The following PTER variants were observed in gnomAD, a reference collection of about 807,000 sequenced individuals.
The protein encoded by PTER is N-acetyltaurine hydrolase.
Under a neutral mutation model 29.6 loss-of-function variants are expected in PTER, and 38 were observed. That is an observed-to-expected ratio of 1.28 (90% CI 0.99 to 1.68). The LOEUF is 1.68. Ranked by LOEUF, PTER falls within the 40% of genes most tolerant of loss-of-function variation. The pLI is 0.00. For synonymous variants in PTER, 172 were observed against 154.5 expected (o/e 1.11, Z -0.84); for missense variants, 482 against 427.8 (o/e 1.13, Z -1.12).
At chr10:16,489,842 T>A (rs1339064522) in intron 3 of PTER, among the ~76,000 whole-genome samples, 1 of 152,146 alleles carries the variant, frequency 6.6e-6, no homozygotes, top group African/African-American at 2.4e-5. Flanking sequence ...AATTTTAGAC[T>A]TGAGAGACTT....
In PTER at chr10:16,500,421, T is replaced by G. The variant is rs114240104; in HGVS notation, c.699-4599T>G. On this transcript the variant is annotated intron_variant, in intron 3 of 4. Transcript: ENST00000535784. ...CACACCACCACACCCTGCTAATTTTTAAAGTTTCATTGTAGACACAGGGTC... is the reference window on the plus strand; with the variant it reads ...CACACCACCACACCCTGCTAATTTTGAAAGTTTCATTGTAGACACAGGGTC... Among the ~76,000 whole-genome samples the G allele has an allele frequency of 2.8e-3, 419 of 151,976 alleles. 2 individuals carry two copies. The highest frequency in any genetic ancestry group is 9.6e-3 in the African/African-American group (398 of 41,474).
intron 4 of PTER, among the ~76,000 whole-genome samples, chr10:16,508,772 C>G (rs1836696659): frequency 6.6e-6 from 1 of 152,144 alleles, no homozygotes; most frequent in Non-Finnish European, 1.5e-5. Flanking sequence ...ACCATGCATT[C>G]TCGCTTGACC....
At chr10:16,484,877 G>A (rs1423225771) in intron 2 of PTER, 61 bp downstream of exon 2, 1 of 1,498,798 alleles carries the variant, frequency 6.7e-7, no homozygotes, top group African/African-American at 1.4e-5. Flanking sequence ...CAGAACCTTG[G>A]AAATGCCCTG....
At chr10:16,493,911 C>T (rs1344218004) in intron 3 of PTER, among the ~76,000 whole-genome samples, 2 of 152,142 alleles carry the variant, frequency 1.3e-5, no homozygotes, top group Non-Finnish European at 2.9e-5. Context: ...TTGGGCAGAC[C>T]TGCCTTCCTG....
rs181190459 is a variant in PTER, at chr10:16,470,852, C to T, written c.-48-13485C>T. On this transcript the variant is annotated intron_variant, in intron 1 of 4. Transcript: ENST00000535784. The stretch of plus-strand genomic sequence containing the variant: ...GTTCTATTTTTATGGTTTATCTTTA[C>T]TTACAATTTATTGTTCTTGATTCTT... 5.3e-3 allele frequency among the ~76,000 whole-genome samples: 814 copies of T among 152,218 alleles called. 9 individuals are homozygous for T. Among genetic ancestry groups the T allele is most frequent in the African/African-American group, 0.019 (770 of 41,542 alleles).
intron 1 of PTER, among the ~76,000 whole-genome samples, chr10:16,481,653 T>G (rs1271197900): frequency 6.6e-6 from 1 of 152,194 alleles, no homozygotes; most frequent in Admixed American, 6.5e-5. Flanking sequence ...TAAGTGATTT[T>G]TTTTTCAGAA....
intron 1 of PTER, among the ~76,000 whole-genome samples, chr10:16,458,619 C>T (rs1015883166): frequency 6.6e-6 from 1 of 152,194 alleles, no homozygotes; most frequent in Non-Finnish European, 1.5e-5. Context: ...GAGACAGAGA[C>T]GTGCAATCCA....
At chr10:16,445,782 A>G (rs1441508216) in intron 1 of PTER, among the ~76,000 whole-genome samples, 1 of 152,166 alleles carries the variant, frequency 6.6e-6, no homozygotes, top group Non-Finnish European at 1.5e-5. Context: ...AGGATCCTAC[A>G]GGCTGACACC....
chr10:16,513,251 C>T lies in PTER; in HGVS notation c.*1995C>T, dbSNP rs1428022760. 1 of 152,456 alleles carries T rather than the reference C, an allele frequency of 6.6e-6. No homozygotes were observed. Among genetic ancestry groups the T allele is most frequent in the African/African-American group, 2.4e-5 (1 of 41,432 alleles). The allele number at this position is 152,456 out of a possible 1,614,324, so 9.4% of individuals were successfully genotyped here. A position where few individuals can be genotyped will look rare whatever the true frequency, so the allele number is the denominator to read the frequency against. On this transcript the variant is annotated 3_prime_UTR_variant, in exon 5 of 5. Transcript: ENST00000535784. ...GAAGTCATTTTAACTGTTTTTGCTACTCCATATATTGTCATTCAAAATATA... is the reference window on the plus strand; with the variant it reads ...GAAGTCATTTTAACTGTTTTTGCTATTCCATATATTGTCATTCAAAATATA...
chr10:16,466,911 A>G (rs898145830), intron 1 of PTER, among the ~76,000 whole-genome samples: 1 of 152,208 alleles, frequency 6.6e-6, no homozygotes, highest in Non-Finnish European at 1.5e-5. Flanking sequence ...AAGAGCCATT[A>G]TCCAGTTTTA....
intron 1 of PTER, among the ~76,000 whole-genome samples, chr10:16,451,466 TGA>T (rs1354861212): frequency 1.3e-5 from 2 of 152,210 alleles, no homozygotes; most frequent in African/African-American, 4.8e-5. Flanking sequence ...CCTAGCATTT[TGA>T]GAGGCCAAGG....
At position 16,469,490 on chromosome 10, in the gene PTER, C is replaced by T. The variant is rs569155358; in HGVS notation, c.-48-14847C>T. On this transcript the variant is annotated intron_variant, in intron 1 of 4. Coordinates refer to ENST00000535784, the MANE Select transcript of PTER (RefSeq NM_001261836.2). ...AGATGATGGTGGTTCCTACTAAGAT[C>T]GTGACTGTGAGAATGAAGGGGAAAA... 8.0e-5 allele frequency among the ~76,000 whole-genome samples: 12 copies of T among 149,490 alleles called. No individual in the cohort carries two copies. In the South Asian group the frequency reaches 1.3e-3, roughly 16 times the overall value.
chr10:16,459,919 G>A (rs1027485017), intron 1 of PTER, among the ~76,000 whole-genome samples: 6 of 152,034 alleles, frequency 3.9e-5, no homozygotes, highest in Middle Eastern at 3.4e-3. Flanking sequence ...GGGTAATTTT[G>A]TATTTTTAGT....
intron 4 of PTER, among the ~76,000 whole-genome samples, chr10:16,510,229 G>A (rs929992157): frequency 4.6e-5 from 7 of 152,302 alleles, no homozygotes; most frequent in African/African-American, 1.7e-4. Context: ...GCTGTCAGGA[G>A]GTGACTCACA....
At chr10:16,490,585 G>T (rs549454924) in intron 3 of PTER, among the ~76,000 whole-genome samples, 2 of 151,828 alleles carry the variant, frequency 1.3e-5, no homozygotes, top group Non-Finnish European at 2.9e-5. Flanking sequence ...GCAAGTAAGT[G>T]TTACTTTCCC....
At chr10:16,517,526 T>A (rs556350301), downstream of PTER, among the ~76,000 whole-genome samples, 22 of 152,234 alleles carry the variant, frequency 1.4e-4, no homozygotes, top group Non-Finnish European at 2.4e-4. Context: ...CTTCATGTTT[T>A]CTGCTAAAAG....
chr10:16,444,004 CTTTTT>C (rs199711479), intron 1 of PTER, among the ~76,000 whole-genome samples: 1 of 136,860 alleles, frequency 7.3e-6, no homozygotes, highest in African/African-American at 2.7e-5. Context: ...AAAACTTTTT[CTTTTT>C]TTTTTTTTTT....
intron 1 of PTER, among the ~76,000 whole-genome samples, chr10:16,450,720 C>T (rs149279702): frequency 6.6e-6 from 1 of 152,258 alleles, no homozygotes; most frequent in East Asian, 1.9e-4. Flanking sequence ...TGGAGCTGGA[C>T]GTTAGAATCC....
chr10:16,457,649 GAGTGC>G (rs1834460333), intron 1 of PTER, among the ~76,000 whole-genome samples: 2 of 152,126 alleles, frequency 1.3e-5, no homozygotes, highest in African/African-American at 4.8e-5. Context: ...ACCCAGGCTG[GAGTGC>G]AGTGGCCTGA....
Sources: allele counts gnomAD v4.1 joint callset (sites outside exome capture counted in the v4.1 genomes callset), GRCh38; gene constraint gnomAD v4.1.1; transcripts MANE v1.5; gene names NCBI Gene and HGNC (gene_info 2026-07-23, HGNC 2026-07-21).